UNC13C: variants seen among roughly 807,000 people sequenced by gnomAD.
UNC13C encodes the protein unc-13 homolog C, also known as protein unc-13 homolog C.
UNC13C carries 174 observed loss-of-function variants against 245.4 expected under a neutral mutation model. The observed-to-expected ratio is 0.71, with a 90% CI of 0.63 to 0.80. UNC13C has a LOEUF of 0.80. Among genes scored for constraint, UNC13C ranks in the 30% least tolerant of loss-of-function variants. UNC13C has a pLI of 0.00. For synonymous variants in UNC13C, 992 were observed against 895.1 expected, an observed-to-expected ratio of 1.11 and a Z score of -1.93; for missense variants, 2,829 against 2,602.9, an observed-to-expected ratio of 1.09 and a Z score of -1.89.
intron 17 of UNC13C, among the ~76,000 whole-genome samples, chr15:54,387,466 TGAGGGCAACTA>T (rs956957463): frequency 1.6e-4 from 24 of 152,096 alleles, no homozygotes; most frequent in Non-Finnish European, 2.9e-4. Context: ...TAATTAGCAG[TGAGGGCAACTA>T]GAGGTTGCTT....
At chr15:54,345,967 T>C (rs1032718928) in intron 17 of UNC13C, among the ~76,000 whole-genome samples, 5 of 152,202 alleles carry the variant, frequency 3.3e-5, no homozygotes, top group Admixed American at 1.3e-4. Flanking sequence ...TCCAAACAGC[T>C]AACCGCAGCT....
At chr15:54,379,896 A>G (rs188398787) in intron 17 of UNC13C, among the ~76,000 whole-genome samples, 7 of 152,320 alleles carry the variant, frequency 4.6e-5, no homozygotes, top group Admixed American at 6.5e-5. Flanking sequence ...ATCATGCACA[A>G]CATGATGTTT....
intron 16 of UNC13C, among the ~76,000 whole-genome samples, chr15:54,337,549 C>G (rs962388413): frequency 6.6e-6 from 1 of 152,122 alleles, no homozygotes; most frequent in Non-Finnish European, 1.5e-5. Context: ...GTCATCCAGT[C>G]TGTCAGAAAA....
the UNC13C span, among the ~76,000 whole-genome samples, chr15:53,872,962 GT>G: frequency 6.6e-6 from 1 of 152,226 alleles, no homozygotes; most frequent in Non-Finnish European, 1.5e-5. Flanking sequence ...GGTTGCTGTA[GT>G]TCTCAGAGCA....
chr15:54,308,287 T>A (rs2037778287), intron 13 of UNC13C, among the ~76,000 whole-genome samples: 1 of 151,920 alleles, frequency 6.6e-6, no homozygotes, highest in Non-Finnish European at 1.5e-5. Flanking sequence ...CCAATAATAT[T>A]TTGACTATTA....
intron 17 of UNC13C, among the ~76,000 whole-genome samples, chr15:54,362,326 A>G (rs1251782303): frequency 6.6e-6 from 1 of 152,176 alleles, no homozygotes. Flanking sequence ...CCACAGGTCT[A>G]GGGAAATTCT....
intron 26 of UNC13C, among the ~76,000 whole-genome samples, chr15:54,541,564 G>C (rs1896246322): frequency 6.6e-6 from 1 of 152,136 alleles, no homozygotes; most frequent in African/African-American, 2.4e-5. Context: ...ACATTCATCA[G>C]AGGTAGTATG....
At chr15:54,463,384 A>G (rs1026438984) in intron 19 of UNC13C, among the ~76,000 whole-genome samples, 1 of 148,598 alleles carries the variant, frequency 6.7e-6, no homozygotes, top group African/African-American at 2.5e-5. Flanking sequence ...CGCTCTTTGC[A>G]GTAAATCTTA....
At chr15:54,424,169 C>A (rs2040709463) in intron 19 of UNC13C, among the ~76,000 whole-genome samples, 1 of 151,272 alleles carries the variant, frequency 6.6e-6, no homozygotes, top group Admixed American at 6.6e-5. Flanking sequence ...AATCACAAGC[C>A]CAACAATGCA....
chr15:53,917,934 A>T, the UNC13C span, among the ~76,000 whole-genome samples: 3 of 152,302 alleles, frequency 2.0e-5, no homozygotes, highest in Non-Finnish European at 4.4e-5. Flanking sequence ...AAGATTGAAA[A>T]GGTTTCTGCT....
chr15:53,941,778 C>G, the UNC13C span, among the ~76,000 whole-genome samples: 5 of 152,072 alleles, frequency 3.3e-5, no homozygotes, highest in Non-Finnish European at 2.9e-5. Flanking sequence ...CAAAAGAGGA[C>G]ATTCATGGGG....
At position 54,265,394 on chromosome 15, in the gene UNC13C, G is replaced by A. The variant is rs1466599112; in HGVS notation, c.3716G>A (p.Gly1239Glu). The A allele has an allele frequency of 3.2e-6, 5 of 1,585,502 alleles. No homozygotes were observed. Among genetic ancestry groups the A allele is most frequent in the Non-Finnish European group, 4.3e-6 (5 of 1,163,830 alleles). Residue 1239 changes from glycine to glutamate, a missense_variant, in exon 10 of 33, where the codon GGG (glycine) becomes GAG (glutamate). By Grantham distance (98) the Gly-to-Glu change is moderately conservative (BLOSUM62 -2). Transcript: ENST00000260323. ...GGTCTACAGGCAAAAGATAAAACAG[G>A]GTCTAGTGATCCATATGTTACAGTT... ...AQGLQAKDKTGSSDPYVTVQV... is the reference protein window; with the variant it reads ...AQGLQAKDKTESSDPYVTVQV...
intron 4 of UNC13C, among the ~76,000 whole-genome samples, chr15:54,227,076 GC>G (rs1401116051): frequency 1.3e-5 from 2 of 152,284 alleles, no homozygotes; most frequent in South Asian, 4.1e-4. Flanking sequence ...AATGAGGCAC[GC>G]AAACAGCTGG....
At chr15:54,148,337 A>T (rs2141246250) in intron 4 of UNC13C, among the ~76,000 whole-genome samples, 1 of 152,316 alleles carries the variant, frequency 6.6e-6, no homozygotes, top group African/African-American at 2.4e-5. Context: ...GTCCTGCACA[A>T]TTCCATTGTT....
At chr15:54,473,424 G>A (rs949102820) in intron 19 of UNC13C, among the ~76,000 whole-genome samples, 19 of 151,836 alleles carry the variant, frequency 1.3e-4, no homozygotes, top group Admixed American at 2.6e-4. Context: ...AGTTACCCCC[G>A]CTGTGCTGGC....
rs577122072 is a variant in UNC13C at position 54,531,064 on chromosome 15, A to G, written c.5547-1853A>G. Among the ~76,000 whole-genome samples the G allele has an allele frequency of 7.9e-5, 12 of 152,290 alleles. No individual in the cohort carries two copies. In the East Asian group the frequency reaches 2.3e-3, roughly 29 times the overall value. ...GTCTATAGTGGCATTTTCGGAAGTA[A>G]TAATAAATCCTCAGATTTAGGATAC... On this transcript the variant is annotated intron_variant, in intron 25 of 32. Coordinates refer to ENST00000260323, the MANE Select transcript of UNC13C (RefSeq NM_001080534.3).
intron 1 of UNC13C, among the ~76,000 whole-genome samples, chr15:54,000,984 C>T (rs1368642671): frequency 2.5e-4 from 38 of 152,146 alleles, no homozygotes; most frequent in Admixed American, 2.5e-3. Flanking sequence ...TTGAACCTTA[C>T]TCTTTCGTAA....
intron 4 of UNC13C, among the ~76,000 whole-genome samples, chr15:54,203,743 TATGTATATATAC>T (rs1331084472): frequency 2.0e-5 from 2 of 101,256 alleles, no homozygotes; most frequent in East Asian, 6.9e-4. Context: ...TATACATATA[TATGTATATATAC>T]ACATATATAT....
At chr15:54,042,328 T>G (rs956041961) in intron 2 of UNC13C, among the ~76,000 whole-genome samples, 16 of 152,078 alleles carry the variant, frequency 1.1e-4, no homozygotes, top group African/African-American at 3.9e-4. Flanking sequence ...AAAATGTGAG[T>G]CCGTAGGGAT....
Sources: allele counts gnomAD v4.1 joint callset (sites outside exome capture counted in the v4.1 genomes callset), GRCh38; gene constraint gnomAD v4.1.1; transcripts MANE v1.5; gene names NCBI Gene and HGNC (gene_info 2026-07-23, HGNC 2026-07-21).